The following NSMCE1 variants were observed in gnomAD, a reference collection of about 807,000 sequenced individuals.
The protein encoded by NSMCE1 is non-structural maintenance of chromosomes element 1 homolog.
In NSMCE1, 18 loss-of-function variants were observed where a neutral mutation model predicts 29.6. The ratio of observed to expected loss-of-function variants is 0.61; its 90% CI spans 0.42 to 0.90. NSMCE1 has a LOEUF of 0.90. NSMCE1 is among the 40% of genes least tolerant of loss of function. The pLI, the probability that NSMCE1 is intolerant of heterozygous loss-of-function variation, is 0.00. For synonymous variants in NSMCE1, 124 were observed against 133.4 expected, an observed-to-expected ratio of 0.93 and a Z score of 0.49; for missense variants, 314 against 343.6, an observed-to-expected ratio of 0.91 and a Z score of 0.68.
chr16:27,245,708 A>T (rs1015003881), intron 2 of NSMCE1, among the ~76,000 whole-genome samples: 1 of 152,218 alleles, frequency 6.6e-6, no homozygotes, highest in Non-Finnish European at 1.5e-5. Flanking sequence ...TCATCGAGTC[A>T]CACGTTAGAT....
At chr16:27,264,230 G>A (rs781503301) in intron 1 of NSMCE1, among the ~76,000 whole-genome samples, 27 of 152,040 alleles carry the variant, frequency 1.8e-4, no homozygotes, top group Non-Finnish European at 3.7e-4. Flanking sequence ...AAAAATCGCT[G>A]GGCATGATGG....
intron 7 of NSMCE1, 126 bp downstream of exon 7, chr16:27,225,600 G>A: frequency 9.0e-7 from 1 of 1,108,038 alleles, no homozygotes; most frequent in Non-Finnish European, 1.3e-6. Flanking sequence ...TAGGATTCAA[G>A]CTGCTAACAC....
chr16:27,236,292 CTTTTTTTTT>C (rs35108912), intron 2 of NSMCE1, among the ~76,000 whole-genome samples: 2 of 92,154 alleles, frequency 2.2e-5, no homozygotes, highest in African/African-American at 4.9e-5. Flanking sequence ...TGCTGTGAAA[CTTTTTTTTT>C]TTTTTTTTTT....
At position 27,251,207 on chromosome 16, in the gene NSMCE1, TAA is replaced by T. The variant is rs58691360; in HGVS notation, c.136+6226_136+6227del. Among the ~76,000 whole-genome samples the T allele has an allele frequency of 2.6e-3, 184 of 70,716 alleles. 6 individuals carry two copies. Among genetic ancestry groups the T allele is most frequent in the African/African-American group, 9.2e-3 (167 of 18,248 alleles). The allele number at this position is 70,716 out of a possible 152,430, so 46.4% of individuals were successfully genotyped here. A position where few individuals can be genotyped will look rare whatever the true frequency, so the allele number is the denominator to read the frequency against. ...ATATATATAAATATATATATATATA[TAA>T]AACTCTGTAGAGTTCAGACTCCTCA... is the stretch of plus-strand genomic sequence containing the variant. On this transcript the variant is annotated intron_variant, in intron 2 of 7. Coordinates refer to ENST00000361439, the MANE Select transcript of NSMCE1 (RefSeq NM_145080.4).
At chr16:27,227,783 CTTT>C (rs1239133211) in intron 5 of NSMCE1, among the ~76,000 whole-genome samples, 2 of 65,960 alleles carry the variant, frequency 3.0e-5, no homozygotes, top group African/African-American at 4.2e-5. Flanking sequence ...CTTTTCTTTT[CTTT>C]TTTTTTTTTT....
chr16:27,259,847 G>A (rs1391728448), intron 1 of NSMCE1, among the ~76,000 whole-genome samples: 2 of 152,180 alleles, frequency 1.3e-5, no homozygotes, highest in Non-Finnish European at 2.9e-5. Flanking sequence ...CATCACAATG[G>A]CAACAATGGA....
intron 2 of NSMCE1, among the ~76,000 whole-genome samples, chr16:27,255,784 T>G (rs1474510360): frequency 1.3e-5 from 2 of 152,256 alleles, no homozygotes; most frequent in Non-Finnish European, 2.9e-5. Flanking sequence ...CTCTCTGGGA[T>G]CAGGCTTTGA....
chr16:27,240,156 G>A (rs1203543500), intron 2 of NSMCE1, among the ~76,000 whole-genome samples: 11 of 152,104 alleles, frequency 7.2e-5, no homozygotes, highest in Admixed American at 5.2e-4. Flanking sequence ...AAGCCCCATG[G>A]GCTCCACAGA....
Position 27,225,702 on chromosome 16 carries a change from A to G in NSMCE1, c.721+24T>C, listed in dbSNP as rs767917970. The G allele has an allele frequency of 3.1e-6, 5 of 1,613,460 alleles. No individual in the cohort carries two copies. In the Admixed American group the frequency reaches 8.3e-5, roughly 27 times the overall value. On this transcript the variant is annotated intron_variant, in intron 7 of 7. Coordinates refer to ENST00000361439, the MANE Select transcript of NSMCE1 (RefSeq NM_145080.4). ...ACGTCCTGCTGGCCCAGCCCCTCCC[A>G]TGAGCTCCTCAGGGCCCACGCACTT...
intron 1 of NSMCE1, among the ~76,000 whole-genome samples, chr16:27,261,072 C>T (rs2084151000): frequency 6.8e-6 from 1 of 147,040 alleles, no homozygotes; most frequent in Non-Finnish European, 1.5e-5. Flanking sequence ...GAGGCTGAGG[C>T]ATGAGAATCG....
At chr16:27,236,469 G>A (rs567568367) in intron 2 of NSMCE1, among the ~76,000 whole-genome samples, 11 of 151,938 alleles carry the variant, frequency 7.2e-5, no homozygotes, top group African/African-American at 2.2e-4. Flanking sequence ...GCTAATTTTT[G>A]TATTTTTAGT....
intron 6 of NSMCE1, 177 bp downstream of exon 6, chr16:27,226,543 C>T: frequency 3.5e-6 from 2 of 569,402 alleles, no homozygotes; most frequent in East Asian, 2.9e-5. Context: ...CCCTGCGGGG[C>T]ACAGCAGGGA....
intron 2 of NSMCE1, among the ~76,000 whole-genome samples, chr16:27,245,897 C>T (rs932292739): frequency 3.9e-5 from 6 of 152,138 alleles, no homozygotes; most frequent in African/African-American, 1.4e-4. Context: ...TACTTGGAGC[C>T]AGCTTCTAAT....
chr16:27,268,491 CCG>C (rs2084253335), intron 1 of NSMCE1: 1 of 152,208 alleles, frequency 6.6e-6, no homozygotes, highest in Non-Finnish European at 1.5e-5. Flanking sequence ...ACATCCCAGT[CCG>C]CTGTTTTCTG....
chr16:27,239,372 T>C (rs774126896), intron 2 of NSMCE1, among the ~76,000 whole-genome samples: 1 of 152,234 alleles, frequency 6.6e-6, no homozygotes, highest in Non-Finnish European at 1.5e-5. Context: ...TTTGCCAATC[T>C]GTAGGGATAC....
chr16:27,256,040 G>A (rs778282594), intron 2 of NSMCE1, among the ~76,000 whole-genome samples: 17 of 152,170 alleles, frequency 1.1e-4, no homozygotes, highest in Non-Finnish European at 2.2e-4. Flanking sequence ...GCTACAGGAT[G>A]CCTGTGGACT....
rs759124866 is a variant in NSMCE1, at chr16:27,235,233, T to C, written c.203A>G (p.Tyr68Cys). ...NNINSVLESLYIEIKRGVTED... is the reference protein window; with the variant it reads ...NNINSVLESLCIEIKRGVTED... Reference sequence around the variant, plus strand: ...CGTGACTCCTCTCTTTATCTCAATATACAAGGACTCCAAGACACTGTTAAT... The same window carrying C: ...CGTGACTCCTCTCTTTATCTCAATACACAAGGACTCCAAGACACTGTTAAT... Residue 68 changes from tyrosine (Y) to cysteine (C), a missense_variant, in exon 3 of 8, where the codon TAT (tyrosine) becomes TGT (cysteine). Tyr to Cys is a radical substitution (Grantham distance 194, BLOSUM62 -2). Coordinates refer to ENST00000361439, the MANE Select transcript of NSMCE1 (RefSeq NM_145080.4). 7 of 1,613,712 alleles carry C rather than the reference T, an allele frequency of 4.3e-6. No individual in the cohort carries two copies. The South Asian group carries it at 4.4e-5, about 10-fold the overall frequency.
In NSMCE1 at chr16:27,226,785, A is replaced by G; in HGVS notation, c.535T>C (p.Tyr179His). 6.2e-7 allele frequency: 1 copy of G among 1,614,028 alleles called. No individual in the cohort carries two copies. The highest frequency in any genetic ancestry group is 8.5e-7 in the Non-Finnish European group (1 of 1,179,924). Reference sequence around the variant, plus strand: ...GCGTCGGGGTACGTCTCCCGGATGTATTGCTCCATCTCCAGGATGGCCCGG... The same window carrying G: ...GCGTCGGGGTACGTCTCCCGGATGTGTTGCTCCATCTCCAGGATGGCCCGG... ...HGRAILEMEQ[Y>H]IRETYPDAVK... The change falls in exon 6 of 8, where the codon TAC becomes CAC. Residue 179 changes from tyrosine to histidine, a missense_variant. Coordinates refer to ENST00000361439, the MANE Select transcript of NSMCE1 (RefSeq NM_145080.4).
At chr16:27,225,548 G>A (rs761590484) in intron 7 of NSMCE1, among the ~76,000 whole-genome samples, 178 bp downstream of exon 7, 3 of 152,208 alleles carry the variant, frequency 2.0e-5, no homozygotes, top group Middle Eastern at 3.2e-3. Flanking sequence ...CCTCTGGAGC[G>A]GTGCACGTAG....
Sources: allele counts gnomAD v4.1 joint callset (sites outside exome capture counted in the v4.1 genomes callset), GRCh38; gene constraint gnomAD v4.1.1; transcripts MANE v1.5; gene names NCBI Gene and HGNC (gene_info 2026-07-23, HGNC 2026-07-21).